TEKTIP1: variants seen among roughly 807,000 people sequenced by gnomAD.
TEKTIP1 encodes tektin bundle interacting protein 1, also known as tektin bundle-interacting protein 1.
At chr19:3,543,935 G>C in the TEKTIP1 span, 6 of 1,551,044 alleles carry the variant, frequency 3.9e-6, no homozygotes, top group African/African-American at 2.7e-5. Flanking sequence ...AGAACTACCG[G>C]GAGTGGGTCC....
the TEKTIP1 span, chr19:3,543,562 C>G: frequency 6.5e-7 from 1 of 1,539,328 alleles, no homozygotes; most frequent in Non-Finnish European, 8.7e-7. Context: ...CAGCCTACAC[C>G]CAGCACCTGC....
the TEKTIP1 span, chr19:3,542,356 G>A: frequency 1.0e-6 from 1 of 985,450 alleles, no homozygotes; most frequent in Non-Finnish European, 1.2e-6. Context: ...GTGCAGGGCA[G>A]ATGAGATTGT....
the TEKTIP1 span, chr19:3,539,292 A>G: frequency 2.8e-6 from 3 of 1,062,762 alleles, no homozygotes; most frequent in African/African-American, 4.6e-5. Context: ...AGCCCCTCCC[A>G]GCCCCTCCCT....
chr19:3,543,195 G>C, the TEKTIP1 span: 1 of 1,531,414 alleles, frequency 6.5e-7, no homozygotes, highest in Non-Finnish European at 8.8e-7. Flanking sequence ...AGCACTCGCT[G>C]TAGACATGGG....
the TEKTIP1 span, among the ~76,000 whole-genome samples, chr19:3,540,310 C>T: frequency 0.054 from 8,203 of 150,640 alleles, 681 homozygotes; most frequent in African/African-American, 0.18. Flanking sequence ...AAGACTGGAA[C>T]GCAATGGTGC....
chr19:3,542,836 T>C, the TEKTIP1 span: 30 of 1,376,206 alleles, frequency 2.2e-5, no homozygotes, highest in Admixed American at 5.7e-5. Flanking sequence ...CCCAGACCAC[T>C]TCTTCCTGGT....
the TEKTIP1 span, chr19:3,543,948 G>T: frequency 6.4e-7 from 1 of 1,551,052 alleles, no homozygotes; most frequent in Non-Finnish European, 8.7e-7. Flanking sequence ...GTGGGTCCTG[G>T]AACCATACTG....
chr19:3,541,333 CAAAAAA>C, the TEKTIP1 span, among the ~76,000 whole-genome samples: 1 of 142,072 alleles, frequency 7.0e-6, no homozygotes, highest in Non-Finnish European at 1.5e-5. Flanking sequence ...AAGACTGTCT[CAAAAAA>C]AAAAAGAGGG....
chr19:3,543,723 C>T, the TEKTIP1 span: 347 of 1,497,136 alleles, frequency 2.3e-4, 1 homozygote, highest in Non-Finnish European at 2.4e-4. Flanking sequence ...GCCAGGGGGA[C>T]AAGGCCACCT....
chr19:3,541,569 C>A, the TEKTIP1 span: 1 of 742,832 alleles, frequency 1.3e-6, no homozygotes, highest in Non-Finnish European at 1.6e-6. Flanking sequence ...GATCCGCCTG[C>A]CTCGGCCTCC....
chr19:3,543,672 A>C, the TEKTIP1 span: 2 of 1,538,452 alleles, frequency 1.3e-6, no homozygotes, highest in Non-Finnish European at 8.8e-7. Context: ...ATCCGGGGCA[A>C]GGAATACGGT....
chr19:3,543,678 A>ACGGTGAGG, the TEKTIP1 span: 2 of 1,535,914 alleles, frequency 1.3e-6, no homozygotes, highest in African/African-American at 2.7e-5. Flanking sequence ...GGCAAGGAAT[A>ACGGTGAGG]CGGTGAGGCT....
the TEKTIP1 span, chr19:3,539,185 C>G: frequency 3.5e-5 from 54 of 1,550,350 alleles, no homozygotes; most frequent in Non-Finnish European, 4.4e-5. Context: ...GACATGCAAA[C>G]CCTCAGGCAA....
the TEKTIP1 span, chr19:3,539,556 C>A: frequency 2.2e-6 from 1 of 445,534 alleles, no homozygotes; most frequent in Admixed American, 3.5e-5. Flanking sequence ...GAAATCCAGG[C>A]CTGTGCGGGG....
the TEKTIP1 span, chr19:3,543,754 G>C: frequency 6.7e-7 from 1 of 1,491,732 alleles, no homozygotes; most frequent in Non-Finnish European, 9.0e-7. Flanking sequence ...GAAACTGCCC[G>C]GGGCGATCCA....
At chr19:3,541,047 C>CA in the TEKTIP1 span, among the ~76,000 whole-genome samples, 1 of 128,216 alleles carries the variant, frequency 7.8e-6, no homozygotes, top group Non-Finnish European at 1.7e-5. Flanking sequence ...CGGGCGCCTG[C>CA]AATCCCAGCT....
chr19:3,539,550 T>C, the TEKTIP1 span: 1 of 456,172 alleles, frequency 2.2e-6, no homozygotes, highest in Non-Finnish European at 4.0e-6. Flanking sequence ...CCCTCTGAAA[T>C]CCAGGCCTGT....
At chr19:3,540,160 C>T in the TEKTIP1 span, 8 of 136,026 alleles carry the variant, frequency 5.9e-5, no homozygotes, top group African/African-American at 2.2e-4. Context: ...GTGGCGCAAT[C>T]TTGGCTCACT....
At chr19:3,540,221 G>A in the TEKTIP1 span, among the ~76,000 whole-genome samples, 1 of 149,614 alleles carries the variant, frequency 6.7e-6, no homozygotes, top group African/African-American at 2.5e-5. Flanking sequence ...AGCCTTCTGA[G>A]TAGCTAGGAC....
Sources: gnomAD v4.1 joint callset for allele counts (sites outside exome capture counted in the v4.1 genomes callset) on GRCh38, gnomAD v4.1.1 for gene constraint, MANE v1.5 for transcripts, NCBI Gene and HGNC (gene_info 2026-07-23, HGNC 2026-07-21) for gene names.